Variants in SOX6 observed in about 807,000 individuals in gnomAD.
SOX6 encodes the protein SRY-box transcription factor 6.
SOX6 carries 11 observed loss-of-function variants against 97.8 expected under a neutral mutation model. The ratio of observed to expected loss-of-function variants is 0.11; its 90% CI spans 0.07 to 0.19. The LOEUF is 0.19. Among genes scored for constraint, SOX6 ranks in the 10% least tolerant of loss-of-function variants. The pLI, the probability that SOX6 is intolerant of heterozygous loss-of-function variation, is 1.00. For missense variants in SOX6, 810 were observed against 1,039.5 expected (o/e 0.78, Z 3.04); for synonymous variants, 360 against 371.4 (o/e 0.97, Z 0.35).
At chr11:16,056,469 C>T (rs917748506) in intron 9 of SOX6, among the ~76,000 whole-genome samples, 1 of 152,100 alleles carries the variant, frequency 6.6e-6, no homozygotes, top group African/African-American at 2.4e-5. Flanking sequence ...TTCTAGGCAG[C>T]GTATAACATA....
intron 4 of SOX6, among the ~76,000 whole-genome samples, chr11:16,523,582 C>G (rs1861106440): frequency 6.6e-6 from 1 of 151,850 alleles, no homozygotes; most frequent in Non-Finnish European, 1.5e-5. Context: ...ACTAGAAAAG[C>G]AAGAGCAAAC....
intron 1 of SOX6, chr11:16,402,917 T>A: frequency 2.1e-6 from 3 of 1,412,854 alleles, no homozygotes; most frequent in Non-Finnish European, 1.9e-6. Context: ...AAAAGAACCC[T>A]GTCCTTTCAA....
At chr11:16,066,596 A>G (rs1296388756) in intron 9 of SOX6, among the ~76,000 whole-genome samples, 2 of 152,204 alleles carry the variant, frequency 1.3e-5, no homozygotes, top group Admixed American at 6.5e-5. Flanking sequence ...GTCATTTGCA[A>G]CAACATGATG....
intron 1 of SOX6, among the ~76,000 whole-genome samples, chr11:16,409,266 C>T (rs1339980666): frequency 1.4e-5 from 2 of 139,776 alleles, no homozygotes; most frequent in Non-Finnish European, 3.1e-5. Context: ...TAACTTTCCT[C>T]TTGCAGTCCC....
chr11:16,583,606 T>TAC (rs1848052346), intron 4 of SOX6, among the ~76,000 whole-genome samples: 1 of 80,552 alleles, frequency 1.2e-5, no homozygotes, highest in East Asian at 3.3e-4. Context: ...TATATGTGTA[T>TAC]ATATATACAT....
chr11:16,432,296 A>G (rs773039103), intron 1 of SOX6, among the ~76,000 whole-genome samples: 7 of 152,132 alleles, frequency 4.6e-5, no homozygotes, highest in Non-Finnish European at 7.4e-5. Context: ...GCTCTTTAAG[A>G]AAGTTCAGAA....
chr11:16,000,597 T>G (rs530822273), intron 13 of SOX6, among the ~76,000 whole-genome samples: 2 of 152,360 alleles, frequency 1.3e-5, no homozygotes, highest in Admixed American at 6.5e-5. Context: ...TTTAATATCT[T>G]TGTTTTCATC....
chr11:16,591,582 T>A (rs376123282), intron 4 of SOX6, among the ~76,000 whole-genome samples: 2 of 152,142 alleles, frequency 1.3e-5, no homozygotes, highest in East Asian at 1.9e-4. Flanking sequence ...TTCTATGCTA[T>A]CACTTACAAA....
intron 3 of SOX6, among the ~76,000 whole-genome samples, chr11:16,614,923 G>A (rs1848451917): frequency 6.6e-6 from 1 of 152,160 alleles, no homozygotes; most frequent in African/African-American, 2.4e-5. Flanking sequence ...TGCCCATTCA[G>A]TATTTTGGTC....
intron 3 of SOX6, among the ~76,000 whole-genome samples, chr11:16,642,018 T>C (rs986791693): frequency 2.0e-5 from 3 of 152,232 alleles, no homozygotes; most frequent in Non-Finnish European, 2.9e-5. Context: ...TCTTTACAAT[T>C]TAGCATGTTT....
At position 16,046,694 on chromosome 11, in the gene SOX6, T is replaced by C; in HGVS notation, c.1443A>G (p.Leu481=). 1 of 1,613,312 alleles carries C rather than the reference T, an allele frequency of 6.2e-7. No individual in the cohort carries two copies. The highest frequency in any genetic ancestry group is 8.5e-7 in the Non-Finnish European group (1 of 1,179,666). Residue 481 remains leucine (L), a synonymous_variant, in exon 12 of 16, where the codon CTA becomes CTG. Transcript: ENST00000683767. ...AAAGGGCAGGGGAGTTGAGACTAGA[T>C]AGGATATCTGCATACACAGGATGCA... ...SLGRGSSLDI[L]SSLNSPALFG... is the part of the protein sequence containing the mutation.
At chr11:16,132,506 A>AAGCT (rs1554934094) in intron 6 of SOX6, among the ~76,000 whole-genome samples, 1 of 88,754 alleles carries the variant, frequency 1.1e-5, no homozygotes, top group African/African-American at 3.3e-5. Flanking sequence ...GAAAGAAAGA[A>AAGCT]AGCTTATCTT....
At chr11:16,431,550 T>C (rs1399951328) in intron 1 of SOX6, among the ~76,000 whole-genome samples, 2 of 151,754 alleles carry the variant, frequency 1.3e-5, no homozygotes, top group African/African-American at 4.8e-5. Flanking sequence ...CGATACATGG[T>C]GAAACAAAAA....
At chr11:16,433,347 T>C (rs911443697) in intron 1 of SOX6, among the ~76,000 whole-genome samples, 1 of 151,998 alleles carries the variant, frequency 6.6e-6, no homozygotes, top group Non-Finnish European at 1.5e-5. Context: ...AAATATGAAA[T>C]ATAGCATTTA....
Position 16,715,345 on chromosome 11 carries a change from C to CT in SOX6, n.354-441dup. Among the ~76,000 whole-genome samples the CT allele has an allele frequency of 2.0e-5, 3 of 152,140 alleles. No homozygotes were observed. In the East Asian group the frequency reaches 5.8e-4, roughly 29 times the overall value. On this transcript the variant is annotated intron_variant and non_coding_transcript_variant, in intron 2 of 5. Transcript: ENST00000524520. ...ATAAATTCCACCTGTTGCTTTTCAC[C>CT]TTTTTTAGTATGGCTACTAGAAAAT...
At chr11:16,287,833 T>C (rs1049975325) in intron 3 of SOX6, among the ~76,000 whole-genome samples, 8 of 152,148 alleles carry the variant, frequency 5.3e-5, no homozygotes, top group African/African-American at 7.2e-5. Context: ...GGAAGCTTTG[T>C]TGGGCCTTGG....
intron 13 of SOX6, among the ~76,000 whole-genome samples, chr11:15,997,114 A>G (rs1210955158): frequency 3.3e-5 from 5 of 152,202 alleles, no homozygotes; most frequent in Non-Finnish European, 7.4e-5. Flanking sequence ...CTTAATTTCA[A>G]TAAATTTGAC....
chr11:16,200,832 G>A (rs111941240), intron 4 of SOX6, among the ~76,000 whole-genome samples: 1 of 152,044 alleles, frequency 6.6e-6, no homozygotes, highest in African/African-American at 2.4e-5. Flanking sequence ...CAGGCTGGGC[G>A]CGATGGCTCC....
chr11:16,567,733 A>ATTTTTTTTTTTT (rs58565035), intron 4 of SOX6, among the ~76,000 whole-genome samples: 1 of 129,634 alleles, frequency 7.7e-6, no homozygotes. Flanking sequence ...CGCCTGGCTG[A>ATTTTTTTTTTTT]TTTTTTTTTT....
Sources: allele counts gnomAD v4.1 joint callset (sites outside exome capture counted in the v4.1 genomes callset), GRCh38; gene constraint gnomAD v4.1.1; transcripts MANE v1.5; gene names NCBI Gene and HGNC (gene_info 2026-07-23, HGNC 2026-07-21).